The following SPTBN1 variants were observed in gnomAD, a reference collection of about 807,000 sequenced individuals.
SPTBN1 encodes spectrin beta, non-erythrocytic 1, also known as spectrin beta chain, non-erythrocytic 1.
In SPTBN1, 32 loss-of-function variants were observed where a neutral mutation model predicts 266.4. That is an observed-to-expected ratio of 0.12 (90% CI 0.09 to 0.16). The LOEUF (loss-of-function observed/expected upper bound fraction) is 0.16, where lower values mean the gene tolerates loss of function less well. Ranked by LOEUF, SPTBN1 falls within the 10% of genes least tolerant of loss-of-function variation. SPTBN1 has a pLI of 1.00. For synonymous variants in SPTBN1, 1,336 were observed against 1,162.2 expected (o/e 1.15, Z -3.04); for missense variants, 2,296 against 3,067.1 (o/e 0.75, Z 5.94).
rs118011491 is a variant in SPTBN1 at position 54,567,113 on chromosome 2, C to T, written c.149-31979C>T. On this transcript the variant is annotated intron_variant, in intron 2 of 35. Coordinates refer to ENST00000356805, the MANE Select transcript of SPTBN1 (RefSeq NM_003128.3). ...AGCTGTGCTGGGAATGCTGGCTAAG[C>T]CAACTGATTAATAGAAGCAAGTGGA... Among the ~76,000 whole-genome samples the T allele has an allele frequency of 5.3e-4, 81 of 152,248 alleles. 2 individuals carry two copies. In the East Asian group the frequency reaches 0.014, roughly 27 times the overall value.
At chr2:54,514,182 G>T (rs1049589514) in intron 1 of SPTBN1, among the ~76,000 whole-genome samples, 17 of 152,156 alleles carry the variant, frequency 1.1e-4, no homozygotes, top group African/African-American at 4.1e-4. Flanking sequence ...CCATGTTTCT[G>T]TCTCATACCG....
At chr2:54,456,636 T>C (rs1318882671) in intron 1 of SPTBN1, 118 bp downstream of exon 1, 1 of 151,050 alleles carries the variant, frequency 6.6e-6, no homozygotes, top group Non-Finnish European at 1.5e-5. Flanking sequence ...AGGACGCCGC[T>C]GCCCGCCTGC....
In SPTBN1 at chr2:54,615,764, C is replaced by T. The variant is rs150688684; in HGVS notation, c.475-443C>T. Among the ~76,000 whole-genome samples, 5 of 152,312 alleles carry T rather than the reference C, an allele frequency of 3.3e-5. No individual in the cohort carries two copies. The South Asian group carries it at 8.3e-4, about 25-fold the overall frequency. On this transcript the variant is annotated intron_variant, in intron 4 of 35. Transcript: ENST00000356805. ...ACCATGGAAGCACAGCGTTTAAGCC[C>T]ACACTTGCTCTAATAGTTTGGAAAT...
rs1422508906 is a variant in SPTBN1, at chr2:54,630,766, G to A, written c.2808-89G>A. On this transcript the variant is annotated intron_variant, in intron 15 of 35. Transcript: ENST00000356805. ...AAGCACAGATGGAGAAAACAGATAA[G>A]CAGCATTAACCCATCACTGTTCCTT... 5 of 1,411,748 alleles carry A rather than the reference G, an allele frequency of 3.5e-6. No homozygotes were observed. In the African/African-American group the frequency reaches 7.2e-5, roughly 20 times the overall value. The allele number at this position is 1,411,748 out of a possible 1,614,324, so 87.5% of individuals were successfully genotyped here.
chr2:54,612,414 G>C (rs1005941667), intron 4 of SPTBN1, 80 bp downstream of exon 4: 22 of 1,437,302 alleles, frequency 1.5e-5, no homozygotes, highest in East Asian at 1.4e-4. Context: ...TGGCCTCCCT[G>C]TATCAGAGGG....
intron 2 of SPTBN1, among the ~76,000 whole-genome samples, chr2:54,559,522 CTT>C (rs1382775646): frequency 3.9e-5 from 6 of 152,108 alleles, no homozygotes; most frequent in Admixed American, 3.9e-4. Context: ...TTCTTGGAGT[CTT>C]TTTAAGGCTC....
At chr2:54,571,986 T>A (rs1185257572) in intron 2 of SPTBN1, among the ~76,000 whole-genome samples, 1 of 152,094 alleles carries the variant, frequency 6.6e-6, no homozygotes, top group South Asian at 2.1e-4. Context: ...TTTGATAAAA[T>A]GAAGTTTAAT....
At chr2:54,467,567 G>A (rs1693702480) in intron 1 of SPTBN1, among the ~76,000 whole-genome samples, 1 of 152,116 alleles carries the variant, frequency 6.6e-6, no homozygotes, top group Non-Finnish European at 1.5e-5. Flanking sequence ...TGTATTTTTA[G>A]TAGAGACGGG....
intron 32 of SPTBN1, chr2:54,663,672 G>T (rs957431839): frequency 1.3e-5 from 2 of 152,298 alleles, no homozygotes; most frequent in Non-Finnish European, 2.9e-5. Flanking sequence ...GAAGGCCCTG[G>T]TTCTGTCTTT....
chr2:54,649,351 G>A lies in SPTBN1; in HGVS notation c.5202+161G>A, dbSNP rs771421043. On this transcript the variant is annotated intron_variant, in intron 25 of 35. Transcript: ENST00000356805. This position sits in a 1 kb window ranked among gnomAD's most constrained non-coding sequence, Gnocchi z 6.7. Reference sequence around the variant, plus strand: ...TGTTTCTTTTATAAGCTGGTGACTCGCATTTAGGTTGGCTAACCTCTCTGT... The same window carrying A: ...TGTTTCTTTTATAAGCTGGTGACTCACATTTAGGTTGGCTAACCTCTCTGT... Among the ~76,000 whole-genome samples, 32 of 152,160 alleles carry A rather than the reference G, an allele frequency of 2.1e-4. No individual in the cohort carries two copies. Among genetic ancestry groups the A allele is most frequent in the Non-Finnish European group, 3.7e-4 (25 of 68,024 alleles).
chr2:54,558,138 T>G lies in SPTBN1; in HGVS notation c.148+31572T>G. 3 of 985,326 alleles carry G rather than the reference T, an allele frequency of 3.0e-6. No individual in the cohort carries two copies. Among genetic ancestry groups the G allele is most frequent in the Non-Finnish European group, 3.6e-6 (3 of 829,886 alleles). 61.0% of individuals were successfully genotyped at this position (985,326 alleles called of 1,614,324 possible). A position where few individuals can be genotyped will look rare whatever the true frequency, so the allele number is the denominator to read the frequency against. ...AGATTGTAATTCCAGCAGCTCTGTTTGGGAAGGCACTACCGCGGCGAGTCC... is the reference window on the plus strand; with the variant it reads ...AGATTGTAATTCCAGCAGCTCTGTTGGGGAAGGCACTACCGCGGCGAGTCC... On this transcript the variant is annotated intron_variant, in intron 2 of 35. Coordinates refer to ENST00000356805, the MANE Select transcript of SPTBN1 (RefSeq NM_003128.3). The surrounding 1 kb of genome is among the most constrained non-coding windows in gnomAD (Gnocchi z 4.6).
intron 7 of SPTBN1, among the ~76,000 whole-genome samples, chr2:54,620,463 A>T (rs1421263677): frequency 1.9e-5 from 1 of 53,036 alleles, no homozygotes; most frequent in Non-Finnish European, 3.4e-5. Flanking sequence ...TTATGTGTGT[A>T]TAGGGAATGG....
intron 35 of SPTBN1, 141 bp downstream of exon 35, chr2:54,667,787 G>C: frequency 1.4e-6 from 1 of 737,172 alleles, no homozygotes; most frequent in Non-Finnish European, 2.3e-6. Context: ...ACCAGCACTA[G>C]AAGGTGTTTG....
intron 2 of SPTBN1, among the ~76,000 whole-genome samples, chr2:54,573,225 G>C (rs531617798): frequency 6.6e-6 from 1 of 152,308 alleles, no homozygotes; most frequent in East Asian, 1.9e-4. Flanking sequence ...GCGGTCCCCA[G>C]CCTTTTTGGC....
chr2:54,512,583 T>A (rs1669915993), intron 1 of SPTBN1, among the ~76,000 whole-genome samples: 1 of 152,228 alleles, frequency 6.6e-6, no homozygotes, highest in African/African-American at 2.4e-5. Context: ...CTGGTGAGAT[T>A]GTGAAATTAG....
intron 1 of SPTBN1, among the ~76,000 whole-genome samples, chr2:54,492,825 A>G (rs1389532227): frequency 6.6e-6 from 1 of 151,858 alleles, no homozygotes; most frequent in Non-Finnish European, 1.5e-5. Flanking sequence ...AAGTTAATAG[A>G]AATAATAAAA....
At chr2:54,627,989 G>C in intron 12 of SPTBN1, 108 bp from the exon 13 acceptor site, 3 of 1,347,246 alleles carry the variant, frequency 2.2e-6, no homozygotes, top group South Asian at 3.0e-5. Context: ...TGGCAGACTA[G>C]AGGGAAGGCA....
At position 54,655,106 on chromosome 2, in the gene SPTBN1, T is replaced by C. The variant is rs1384269723; in HGVS notation, c.5859T>C (p.His1953=). 6.2e-7 allele frequency: 1 copy of C among 1,614,182 alleles called. No individual in the cohort carries two copies. Among genetic ancestry groups the C allele is most frequent in the Admixed American group, 1.7e-5 (1 of 60,014 alleles). Residue 1953 remains histidine (H), a synonymous_variant, in exon 28 of 36, where the codon CAT becomes CAC. Transcript: ENST00000356805. ...VSSVELLMNN[H]QGIKAEIDAR... Reference sequence around the variant, plus strand: ...CTGTTGAACTCTTAATGAATAATCATCAAGGCATCAAAGCTGAAATTGATG... The same window carrying C: ...CTGTTGAACTCTTAATGAATAATCACCAAGGCATCAAAGCTGAAATTGATG...
At chr2:54,497,058 TAAAC>T (rs1481683288) in intron 1 of SPTBN1, among the ~76,000 whole-genome samples, 14 of 152,310 alleles carry the variant, frequency 9.2e-5, no homozygotes, top group South Asian at 4.1e-4. Context: ...TAAATGGAGA[TAAAC>T]AGACAGCATG....
Sources: allele counts gnomAD v4.1 joint callset (sites outside exome capture counted in the v4.1 genomes callset), GRCh38; gene constraint gnomAD v4.1.1; non-coding constraint Gnocchi (gnomAD v3.1); transcripts MANE v1.5; gene names NCBI Gene and HGNC (gene_info 2026-07-23, HGNC 2026-07-21).